The following TRAF3 variants were observed in gnomAD, a reference collection of about 807,000 sequenced individuals.
TRAF3 encodes the protein TNF receptor associated factor 3.
A neutral mutation model predicts 62.3 loss-of-function variants in TRAF3; 13 were observed. The observed-to-expected ratio is 0.21, with a 90% CI of 0.14 to 0.33. The LOEUF is 0.33. Among genes scored for constraint, TRAF3 ranks in the 10% least tolerant of loss-of-function variants. TRAF3 has a pLI of 1.00. For missense variants in TRAF3, 440 were observed against 741.8 expected (o/e 0.59, Z 4.73); for synonymous variants, 269 against 283.4 (o/e 0.95, Z 0.51).
At chr14:102,886,553 C>T (rs911130457) in intron 7 of TRAF3, among the ~76,000 whole-genome samples, 2 of 152,082 alleles carry the variant, frequency 1.3e-5, no homozygotes, top group South Asian at 4.1e-4. Flanking sequence ...GTCAGGAGTT[C>T]AGAACCAGAC....
chr14:102,820,526 G>A (rs1432486672), intron 1 of TRAF3, among the ~76,000 whole-genome samples: 3 of 130,480 alleles, frequency 2.3e-5, no homozygotes, highest in Non-Finnish European at 4.7e-5. Flanking sequence ...ATGTAGGTAG[G>A]TACCTTTACA....
chr14:102,889,591 C>T lies in TRAF3; in HGVS notation c.683C>T (p.Ala228Val). Residue 228 changes from alanine to valine, a missense_variant, in exon 8 of 12, where the codon GCC (alanine) becomes GTC (valine). Physicochemically the swap from Ala to Val is moderately conservative, Grantham distance 64 (BLOSUM62 0). This residue lies in a region of TRAF3 where 255 missense variants were observed against 424.1 expected (regional missense o/e 0.60). Transcript: ENST00000392745. ...LSAHLSECVN[A>V]PSTCSFKRYG... ...GCACACTTGTCAGAGTGTGTCAATG[C>T]CCCCAGCACCTGTAGTTTTAAGCGC... The T allele has an allele frequency of 6.2e-7, 1 of 1,614,186 alleles. No individual in the cohort carries two copies. The highest frequency in any genetic ancestry group is 8.5e-7 in the Non-Finnish European group (1 of 1,180,038).
chr14:102,819,735 C>T (rs749160852), intron 1 of TRAF3, among the ~76,000 whole-genome samples: 6 of 152,062 alleles, frequency 3.9e-5, no homozygotes, highest in Admixed American at 6.5e-5. Flanking sequence ...GTGAAAGTAC[C>T]GTATAGTATA....
At chr14:102,814,317 A>G (rs1212149509) in intron 1 of TRAF3, among the ~76,000 whole-genome samples, 1 of 152,120 alleles carries the variant, frequency 6.6e-6, no homozygotes, top group Non-Finnish European at 1.5e-5. Flanking sequence ...ATAGACCAGT[A>G]CCGTGTCGTT....
intron 1 of TRAF3, among the ~76,000 whole-genome samples, chr14:102,782,872 T>C (rs996671250): frequency 2.0e-5 from 3 of 152,168 alleles, no homozygotes; most frequent in African/African-American, 7.2e-5. Context: ...TTGATTTCTT[T>C]AAGTGGAAAG....
At chr14:102,808,458 AGCCGAGATTGTGCCACT>A (rs1341677201) in intron 1 of TRAF3, among the ~76,000 whole-genome samples, 1 of 151,268 alleles carries the variant, frequency 6.6e-6, no homozygotes, top group Non-Finnish European at 1.5e-5. Context: ...GGTTGAAGTG[AGCCGAGATTGTGCCACT>A]GCACTCCAGC....
rs934229176 is a variant in TRAF3 at position 102,909,973 on chromosome 14, C to G, written c.*4189C>G. ...CCATTCTGTCCGCAGCGGGGTCATTCCTTGTCAGCCCAAGGGAGGGCCGGG... is the reference window on the plus strand; with the variant it reads ...CCATTCTGTCCGCAGCGGGGTCATTGCTTGTCAGCCCAAGGGAGGGCCGGG... On this transcript the variant is annotated 3_prime_UTR_variant, in exon 12 of 12. Transcript: ENST00000392745. The G allele has an allele frequency of 2.6e-5, 4 of 152,300 alleles. No individual in the cohort carries two copies. The highest frequency in any genetic ancestry group is 9.6e-5 in the African/African-American group (4 of 41,554). The allele number at this position is 152,300 out of a possible 1,614,324, so 9.4% of individuals were successfully genotyped here.
intron 2 of TRAF3, among the ~76,000 whole-genome samples, chr14:102,864,294 A>G (rs921907208): frequency 8.9e-4 from 134 of 151,270 alleles, no homozygotes; most frequent in African/African-American, 3.0e-3. Context: ...GACTACAGGC[A>G]CCCGCCACCA....
intron 4 of TRAF3, among the ~76,000 whole-genome samples, chr14:102,873,506 A>G (rs1424242295): frequency 6.6e-6 from 1 of 152,154 alleles, no homozygotes; most frequent in East Asian, 1.9e-4. Flanking sequence ...CTATTTTTTA[A>G]TGACATAAGT....
chr14:102,868,554 A>T (rs1264673326), intron 2 of TRAF3, among the ~76,000 whole-genome samples: 1 of 152,190 alleles, frequency 6.6e-6, no homozygotes, highest in Non-Finnish European at 1.5e-5. Context: ...AAACTTTTCC[A>T]AGAAAGTTCA....
chr14:102,781,035 A>C (rs1402135980), intron 1 of TRAF3, among the ~76,000 whole-genome samples: 1 of 152,242 alleles, frequency 6.6e-6, no homozygotes, highest in Non-Finnish European at 1.5e-5. Flanking sequence ...GATGAAATGA[A>C]TTAGTGGATT....
At chr14:102,802,858 T>G (rs1376803426) in intron 1 of TRAF3, among the ~76,000 whole-genome samples, 3 of 152,060 alleles carry the variant, frequency 2.0e-5, no homozygotes, top group Non-Finnish European at 2.9e-5. Context: ...ACTGAGTAAT[T>G]TATTAATATA....
intron 2 of TRAF3, among the ~76,000 whole-genome samples, chr14:102,846,555 C>T (rs1033239189): frequency 6.8e-6 from 1 of 147,952 alleles, no homozygotes; most frequent in East Asian, 2.0e-4. Context: ...GTAATCCCAG[C>T]ACTTTGGGAG....
chr14:102,806,265 A>AT (rs1234687451), intron 1 of TRAF3, among the ~76,000 whole-genome samples: 4 of 152,172 alleles, frequency 2.6e-5, no homozygotes, highest in African/African-American at 9.7e-5. Context: ...TAGTGAATGT[A>AT]TGACTGTTAA....
chr14:102,876,599 T>C, intron 6 of TRAF3, 74 bp downstream of exon 6: 1 of 1,562,406 alleles, frequency 6.4e-7, no homozygotes, highest in Non-Finnish European at 8.7e-7. Context: ...TCCGCTCAAT[T>C]CGTAGATAAT....
intron 5 of TRAF3, 26 bp downstream of exon 5, chr14:102,875,754 C>G (rs767391859): frequency 1.9e-5 from 30 of 1,591,192 alleles, no homozygotes; most frequent in Non-Finnish European, 2.4e-5. Flanking sequence ...ACACTGGAAC[C>G]TTTTACATGA....
chr14:102,857,825 A>T (rs1035507868), intron 2 of TRAF3, among the ~76,000 whole-genome samples: 1 of 152,248 alleles, frequency 6.6e-6, no homozygotes, highest in Non-Finnish European at 1.5e-5. Flanking sequence ...AAAAGAAAAC[A>T]GATTCTTATT....
chr14:102,894,572 G>C (rs959323460), intron 9 of TRAF3, among the ~76,000 whole-genome samples: 1 of 152,132 alleles, frequency 6.6e-6, no homozygotes, highest in Admixed American at 6.5e-5. Flanking sequence ...GCATCTCCCT[G>C]CTAGAAGAGT....
intron 2 of TRAF3, among the ~76,000 whole-genome samples, chr14:102,860,997 A>G (rs913040680): frequency 5.3e-5 from 8 of 152,262 alleles, no homozygotes; most frequent in Non-Finnish European, 1.0e-4. Context: ...GAATAACAGA[A>G]AAGATAGGAA....
Sources: allele counts gnomAD v4.1 joint callset (sites outside exome capture counted in the v4.1 genomes callset), GRCh38; gene constraint gnomAD v4.1.1; regional missense constraint gnomAD v4.1.1; transcripts MANE v1.5; gene names NCBI Gene and HGNC (gene_info 2026-07-23, HGNC 2026-07-21).